Variants in GOLGA5 observed in about 807,000 individuals in gnomAD.
The protein encoded by GOLGA5 is golgin subfamily A member 5.
GOLGA5 carries 50 observed loss-of-function variants against 93.5 expected under a neutral mutation model. That is an observed-to-expected ratio of 0.53 (90% CI 0.43 to 0.68). The LOEUF is 0.68. Among genes scored for constraint, GOLGA5 ranks in the 30% least tolerant of loss-of-function variants. GOLGA5 has a pLI of 0.00. For missense variants in GOLGA5, 760 were observed against 856.4 expected (o/e 0.89, Z 1.40); for synonymous variants, 312 against 304.5 (o/e 1.02, Z -0.26).
At chr14:92,807,436 T>C (rs1235664643) in intron 3 of GOLGA5, among the ~76,000 whole-genome samples, 1 of 152,224 alleles carries the variant, frequency 6.6e-6, no homozygotes. Flanking sequence ...TGCCCAGATT[T>C]GGAAATGGGA....
chr14:92,823,503 T>C (rs561149251), intron 8 of GOLGA5, among the ~76,000 whole-genome samples: 1 of 151,620 alleles, frequency 6.6e-6, no homozygotes, highest in East Asian at 1.9e-4. Context: ...AGCCTCGACC[T>C]CCTCAGGCTC....
At chr14:92,802,550 T>G (rs2140313640) in intron 2 of GOLGA5, among the ~76,000 whole-genome samples, 1 of 152,216 alleles carries the variant, frequency 6.6e-6, no homozygotes, top group East Asian at 1.9e-4. Flanking sequence ...AGGGAATACT[T>G]TGTTTCACTA....
intron 9 of GOLGA5, among the ~76,000 whole-genome samples, chr14:92,825,893 G>A (rs1465345651): frequency 6.8e-6 from 1 of 147,978 alleles, no homozygotes; most frequent in Admixed American, 6.8e-5. Context: ...GGTGGCTTAT[G>A]CCTATAGTCC....
chr14:92,797,739 C>A lies in GOLGA5; in HGVS notation c.302C>A (p.Ala101Glu). 3 of 1,613,456 alleles carry A rather than the reference C, an allele frequency of 1.9e-6. No individual in the cohort carries two copies. The highest frequency in any genetic ancestry group is 2.5e-6 in the Non-Finnish European group (3 of 1,179,540). Reference protein sequence around the residue: ...PVEASHPVENASVPRPSSHFV... With the variant: ...PVEASHPVENESVPRPSSHFV... ...GAGGCCTCTCATCCTGTTGAAAATGCATCTGTTCCTAGGCCTTCATCCCAT... is the reference window on the plus strand; with the variant it reads ...GAGGCCTCTCATCCTGTTGAAAATGAATCTGTTCCTAGGCCTTCATCCCAT... The change falls in exon 2 of 13, where the codon GCA becomes GAA. Residue 101 changes from alanine to glutamate, a missense_variant. By Grantham distance (107) the Ala-to-Glu change is moderately radical. Transcript: ENST00000163416.
chr14:92,819,673 A>G, intron 7 of GOLGA5, 35 bp from the exon 8 acceptor site: 3 of 1,602,828 alleles, frequency 1.9e-6, no homozygotes, highest in Non-Finnish European at 2.6e-6. Context: ...CTGAATGTTA[A>G]TTATTGCTTT....
In GOLGA5 at chr14:92,819,575, A is replaced by C. The variant is rs528938650; in HGVS notation, c.1492-133A>C. 1.3e-3 allele frequency: 974 copies of C among 769,984 alleles called. 2 individuals carry two copies. The highest frequency in any genetic ancestry group is 1.9e-3 in the Non-Finnish European group (849 of 457,184). 47.7% of individuals were successfully genotyped at this position (769,984 alleles called of 1,614,324 possible). A position where few individuals can be genotyped will look rare whatever the true frequency, so the allele number is the denominator to read the frequency against. ...TTGAGCCCAGGAGTTTGAGGCTGCC[A>C]TGAACTGTGATTGTGCCACTGCACT... On this transcript the variant is annotated intron_variant, in intron 7 of 12. Transcript: ENST00000163416.
intron 1 of GOLGA5, among the ~76,000 whole-genome samples, chr14:92,797,067 AAAT>A (rs1231823856): frequency 1.0e-5 from 1 of 98,192 alleles, no homozygotes; most frequent in African/African-American, 2.9e-5. Flanking sequence ...TAGTAATAAT[AAAT>A]AATAAAAATA....
chr14:92,802,836 G>A (rs1415444772), intron 2 of GOLGA5, among the ~76,000 whole-genome samples: 5 of 151,634 alleles, frequency 3.3e-5, no homozygotes, highest in Non-Finnish European at 2.9e-5. Flanking sequence ...TATGATCATA[G>A]TGCACTGCAG....
At chr14:92,820,506 T>C (rs1210837063) in intron 8 of GOLGA5, among the ~76,000 whole-genome samples, 1 of 152,180 alleles carries the variant, frequency 6.6e-6, no homozygotes, top group East Asian at 1.9e-4. Context: ...CTTCCTCTTA[T>C]CTCAACTGCA....
At chr14:92,818,817 A>C (rs1023776404) in intron 7 of GOLGA5, among the ~76,000 whole-genome samples, 31 of 152,234 alleles carry the variant, frequency 2.0e-4, no homozygotes, top group African/African-American at 7.2e-4. Flanking sequence ...TGCTTAATCC[A>C]TTTGGGGAAA....
At chr14:92,809,190 A>G (rs1014500909) in intron 3 of GOLGA5, 110 bp from the exon 4 acceptor site, 3 of 692,934 alleles carry the variant, frequency 4.3e-6, no homozygotes, top group African/African-American at 3.6e-5. Flanking sequence ...GTAAGTTCCC[A>G]ATTTTGTCAA....
rs1390879329 is a variant in GOLGA5, at chr14:92,806,873, C to T, written c.682C>T (p.Arg228Ter). ...DGKSHELSNL[R>*]LENQLLRNEV... is the part of the protein sequence containing the mutation. ...CAAATCACATGAACTGTCTAACCTTCGACTGGAGAATCAGCTGCTGAGGAA... is the reference window on the plus strand; with the variant it reads ...CAAATCACATGAACTGTCTAACCTTTGACTGGAGAATCAGCTGCTGAGGAA... The change falls in exon 3 of 13, where the codon CGA becomes TGA. Residue 228 changes from arginine to a stop codon, truncating the protein, a stop_gained. Coordinates refer to ENST00000163416, the MANE Select transcript of GOLGA5 (RefSeq NM_005113.4). LOFTEE classifies it high-confidence loss of function. 7 of 1,613,568 alleles carry T rather than the reference C, an allele frequency of 4.3e-6. No homozygotes were observed. Among genetic ancestry groups the T allele is most frequent in the Non-Finnish European group, 4.2e-6 (5 of 1,179,636 alleles).
chr14:92,827,799 C>A (rs1885452754), intron 9 of GOLGA5, among the ~76,000 whole-genome samples: 1 of 152,176 alleles, frequency 6.6e-6, no homozygotes. Flanking sequence ...GATAAGAAAG[C>A]CAAACAGCCT....
chr14:92,821,567 T>C lies in GOLGA5; in HGVS notation c.1620+1731T>C, dbSNP rs185589387. Among the ~76,000 whole-genome samples, 442 of 152,332 alleles carry C rather than the reference T, an allele frequency of 2.9e-3. 1 individual carries two copies. Among genetic ancestry groups the C allele is most frequent in the Non-Finnish European group, 4.9e-3 (331 of 68,012 alleles). On this transcript the variant is annotated intron_variant, in intron 8 of 12. Transcript: ENST00000163416. ...ACAAGTAAATCACTACTATTCTCTT[T>C]ATTTTACAGAAGAGAAAACTATTCT...
intron 6 of GOLGA5, among the ~76,000 whole-genome samples, chr14:92,811,968 C>G (rs1885112189): frequency 6.6e-6 from 1 of 152,056 alleles, no homozygotes; most frequent in Non-Finnish European, 1.5e-5. Flanking sequence ...CTGCCACTGC[C>G]TAGTTCAGGT....
intron 5 of GOLGA5, among the ~76,000 whole-genome samples, 173 bp from the exon 6 acceptor site, chr14:92,811,378 T>TA (rs1284295014): frequency 1.3e-5 from 2 of 152,342 alleles, no homozygotes. Context: ...GTTTGGGAGT[T>TA]ACAACTTTAC....
chr14:92,836,562 G>T (rs1885645622), intron 11 of GOLGA5, among the ~76,000 whole-genome samples: 1 of 152,100 alleles, frequency 6.6e-6, no homozygotes, highest in African/African-American at 2.4e-5. Context: ...AAAAAATGTT[G>T]CAGAGGCATA....
At chr14:92,838,484 CAGCCTGCCGA>C (rs1382320678) in intron 12 of GOLGA5, among the ~76,000 whole-genome samples, 2 of 152,122 alleles carry the variant, frequency 1.3e-5, no homozygotes, top group African/African-American at 4.8e-5. Context: ...TCTCCTGCCT[CAGCCTGCCGA>C]GTACCTGGGG....
chr14:92,819,911 G>A (rs896488869), intron 8 of GOLGA5, 75 bp downstream of exon 8: 4 of 1,480,338 alleles, frequency 2.7e-6, no homozygotes, highest in African/African-American at 2.9e-5. Flanking sequence ...CAGGAAAGCA[G>A]CTTACTGAAA....
Sources: gnomAD v4.1 joint callset for allele counts (sites outside exome capture counted in the v4.1 genomes callset) on GRCh38, gnomAD v4.1.1 for gene constraint, MANE v1.5 for transcripts, NCBI Gene and HGNC (gene_info 2026-07-23, HGNC 2026-07-21) for gene names.